DHPS: variants seen among roughly 807,000 people sequenced by gnomAD.
The protein encoded by DHPS is migration-inducing gene 13.
Under a neutral mutation model 38.7 loss-of-function variants are expected in DHPS, and 24 were observed. The ratio of observed to expected loss-of-function variants is 0.62; its 90% CI spans 0.45 to 0.87. The LOEUF (loss-of-function observed/expected upper bound fraction) is 0.87. Among genes scored for constraint, DHPS ranks in the 40% least tolerant of loss-of-function variants. DHPS has a pLI of 0.00. For missense variants in DHPS, 510 were observed against 497.6 expected (o/e 1.02, Z -0.24); for synonymous variants, 250 against 204.4 (o/e 1.22, Z -1.90).
intron 5 of DHPS, 104 bp from the exon 6 acceptor site, chr19:12,677,500 T>C: frequency 1.0e-5 from 9 of 903,828 alleles, no homozygotes; most frequent in Non-Finnish European, 1.5e-5. Flanking sequence ...TCTCTAGGAC[T>C]GTTTCCTCAA....
At position 12,675,940 on chromosome 19, in the gene DHPS, A is replaced by AG. The variant is rs1416157384; in HGVS notation, c.1015-8dup. ...GGGAGGCGTCAGCATAGACCTGGGT[A>AG]GGGGGGAACCTGGGTAAGCCATGGG... On this transcript the variant is annotated splice_region_variant and splice_polypyrimidine_tract_variant and intron_variant, in intron 8 of 8. Transcript: ENST00000210060. 5.6e-6 allele frequency: 9 copies of AG among 1,603,970 alleles called. No individual in the cohort carries two copies. Among genetic ancestry groups the AG allele is most frequent in the South Asian group, 2.2e-5 (2 of 89,984 alleles).
At chr19:12,672,814 C>A, downstream of DHPS, 1 of 1,556,646 alleles carries the variant, frequency 6.4e-7, no homozygotes, top group South Asian at 1.2e-5. Context: ...TGAGTGTAGT[C>A]AAGGTTCCCG....
chr19:12,679,812 G>A lies in DHPS; in HGVS notation c.483C>T (p.Asn161=), dbSNP rs374824693. ...FSLRGKELRE[N]GINRIGNLLV... ...CTCAGGGTTCTCACCTATTGATCCC[G>A]TTCTCCCGGAGCTCCTTCCCCCTGA... Residue 161 remains asparagine, a synonymous_variant, in exon 3 of 9, where the codon AAC becomes AAT. Coordinates refer to ENST00000210060, the MANE Select transcript of DHPS (RefSeq NM_001930.4). 1.9e-5 allele frequency: 30 copies of A among 1,613,970 alleles called. No homozygotes were observed. The highest frequency in any genetic ancestry group is 1.8e-4 in the South Asian group (16 of 91,078).
rs1385115783 is a variant in DHPS, at chr19:12,679,729, G to A, written c.495-10C>T. The stretch of plus-strand genomic sequence containing the variant: ...CAGCAGGTTTCCGATCCTGAGAACA[G>A]GAGGCATGTAGGCATCAGGCCCCAG... On this transcript the variant is annotated splice_polypyrimidine_tract_variant and intron_variant, in intron 3 of 8. Transcript: ENST00000210060. The A allele has an allele frequency of 6.2e-7, 1 of 1,614,190 alleles. No individual in the cohort carries two copies. The highest frequency in any genetic ancestry group is 8.5e-7 in the Non-Finnish European group (1 of 1,180,040).
intron 7 of DHPS, chr19:12,676,809 T>A: frequency 2.3e-6 from 1 of 437,148 alleles, no homozygotes; most frequent in Admixed American, 3.5e-5. Flanking sequence ...GACAACCACA[T>A]AGCTCCTGGG....
At chr19:12,681,484 C>T (rs2024810802) in intron 1 of DHPS, 76 bp downstream of exon 1, 2 of 1,533,186 alleles carry the variant, frequency 1.3e-6, no homozygotes, top group Admixed American at 1.8e-5. Context: ...ACTGGAAACG[C>T]TGCCCCCGTC....
At chr19:12,678,036 T>C (rs1239971124) in intron 5 of DHPS, among the ~76,000 whole-genome samples, 2 of 150,836 alleles carry the variant, frequency 1.3e-5, no homozygotes, top group Non-Finnish European at 3.0e-5. Context: ...GTGGATCACC[T>C]GAGGTCAGGA....
At chr19:12,681,349 GT>G in intron 1 of DHPS, 1 of 1,013,086 alleles carries the variant, frequency 9.9e-7, no homozygotes, top group Non-Finnish European at 1.4e-6. Flanking sequence ...GCCTCCTCAG[GT>G]TACCGTACCA....
In DHPS at chr19:12,681,506, T is replaced by G. The variant is rs2024812124; in HGVS notation, c.207+54A>C. 15 of 1,596,294 alleles carry G rather than the reference T, an allele frequency of 9.4e-6. No individual in the cohort carries two copies. In the South Asian group the frequency reaches 1.7e-4, roughly 18 times the overall value. The stretch of plus-strand genomic sequence containing the variant: ...ACGCTGCCCCCGTCTAGTACCGCGT[T>G]GGTTCTACAAGCCACGCCCCTCCGC... On this transcript the variant is annotated intron_variant, in intron 1 of 8. Transcript: ENST00000210060.
chr19:12,679,908 C>A lies in DHPS; in HGVS notation c.387G>T (p.Val129=). 4 of 1,613,384 alleles carry A rather than the reference C, an allele frequency of 2.5e-6. No individual in the cohort carries two copies. The South Asian group carries it at 3.3e-5, about 13-fold the overall frequency. The change falls in exon 3 of 9, where the codon GTG becomes GTT. Residue 129 remains valine, a synonymous_variant. Coordinates refer to ENST00000210060, the MANE Select transcript of DHPS (RefSeq NM_001930.4). ...LVQHNMVDVL[V]TTAGGVEEDL... Reference sequence around the variant, plus strand: ...CTTCCTCCACGCCGCCAGCTGTGGTCACCAATACGTCCACCTGCAGCCACA... The same window carrying A: ...CTTCCTCCACGCCGCCAGCTGTGGTAACCAATACGTCCACCTGCAGCCACA...
chr19:12,675,354 G>A (rs1599376162), downstream of DHPS, among the ~76,000 whole-genome samples: 1 of 152,222 alleles, frequency 6.6e-6, no homozygotes, highest in East Asian at 1.9e-4. Context: ...CTCAGTCTGA[G>A]GTAGATTAAT....
chr19:12,675,441 T>C, downstream of DHPS: 7 of 1,538,210 alleles, frequency 4.6e-6, no homozygotes, highest in Non-Finnish European at 6.1e-6. Context: ...CAGGCAGGAC[T>C]GAGATGGGGG....
downstream of DHPS, among the ~76,000 whole-genome samples, chr19:12,674,132 G>A (rs1449840902): frequency 6.6e-6 from 1 of 152,180 alleles, no homozygotes; most frequent in Non-Finnish European, 1.5e-5. Flanking sequence ...GCAAGATCCG[G>A]GGTCAGGCTG....
Position 12,675,843 on chromosome 19 carries a change from C to A in DHPS, c.1105G>T (p.Asp369Tyr). 1 of 1,600,318 alleles carries A rather than the reference C, an allele frequency of 6.2e-7. No homozygotes were observed. Among genetic ancestry groups the A allele is most frequent in the South Asian group, 1.1e-5 (1 of 89,254 alleles). Reference protein sequence around the residue: ...MDAFMHEKNED With the variant: ...MDAFMHEKNEY ...CTTCCTGGGACCGCAGCCGCTCAGT[C>A]CTCGTTCTTCTCATGCATGAAGGCA... The change falls in exon 9 of 9, where the codon GAC becomes TAC. Residue 369 changes from aspartate to tyrosine, a missense_variant. Coordinates refer to ENST00000210060, the MANE Select transcript of DHPS (RefSeq NM_001930.4).
downstream of DHPS, chr19:12,672,602 C>G (rs1346266819): frequency 3.9e-5 from 21 of 538,424 alleles, no homozygotes; most frequent in Non-Finnish European, 7.1e-5. Context: ...GAGCAAAACT[C>G]TGTCTCAAAC....
downstream of DHPS, chr19:12,673,174 C>T (rs781024093): frequency 2.5e-5 from 40 of 1,613,016 alleles, no homozygotes; most frequent in East Asian, 8.9e-4. Context: ...TGGAGAGGAC[C>T]AAGCCCCCCG....
intron 7 of DHPS, chr19:12,676,395 C>G (rs1021783567): frequency 3.5e-5 from 17 of 488,998 alleles, no homozygotes; most frequent in Non-Finnish European, 5.8e-5. Flanking sequence ...CAGGAGCTGC[C>G]AGCAACTCTA....
At chr19:12,680,626 C>T (rs796314422) in intron 1 of DHPS, among the ~76,000 whole-genome samples, 6 of 151,724 alleles carry the variant, frequency 4.0e-5, no homozygotes, top group South Asian at 2.1e-4. Flanking sequence ...CTCCACCTCC[C>T]GGGTTCAAGC....
chr19:12,673,324 G>A (rs188636482), downstream of DHPS: 512 of 1,607,306 alleles, frequency 3.2e-4, 7 homozygotes, highest in Admixed American at 8.4e-3. Flanking sequence ...GAGGTGAGGT[G>A]CCCCCAGCCC....
Sources: gnomAD v4.1 joint callset for allele counts (sites outside exome capture counted in the v4.1 genomes callset) on GRCh38, gnomAD v4.1.1 for gene constraint, MANE v1.5 for transcripts, NCBI Gene and HGNC (gene_info 2026-07-23, HGNC 2026-07-21) for gene names.